Variants in NXPH1 observed in about 807,000 individuals in gnomAD.
The protein encoded by NXPH1 is neurexophilin 1, also known as neurexophilin-1.
In NXPH1, 5 loss-of-function variants were observed where a neutral mutation model predicts 23.7. The ratio of observed to expected loss-of-function variants is 0.21; its 90% confidence interval spans 0.11 to 0.44. The LOEUF (loss-of-function observed/expected upper bound fraction) is 0.44, where lower values mean the gene tolerates loss of function less well. NXPH1 is among the 20% of genes least tolerant of loss of function. The pLI is 0.99. For missense variants in NXPH1, 324 were observed against 321.6 expected (o/e 1.01, Z -0.06); for synonymous variants, 144 against 122.2 (o/e 1.18, Z -1.18).
intron 2 of NXPH1, among the ~76,000 whole-genome samples, chr7:8,475,365 A>G (rs1816952401): frequency 6.6e-6 from 1 of 152,130 alleles, no homozygotes; most frequent in East Asian, 1.9e-4. Flanking sequence ...AGGTTGAACT[A>G]TGTAGCTCTG....
chr7:8,570,469 T>A (rs1018023993), intron 2 of NXPH1, among the ~76,000 whole-genome samples: 1 of 152,054 alleles, frequency 6.6e-6, no homozygotes, highest in African/African-American at 2.4e-5. Context: ...CACAGCACAG[T>A]AATTAGTAAA....
intron 2 of NXPH1, among the ~76,000 whole-genome samples, chr7:8,513,821 C>A (rs917020668): frequency 2.6e-5 from 4 of 152,016 alleles, no homozygotes; most frequent in African/African-American, 7.2e-5. Flanking sequence ...TCTAGGGCTG[C>A]CGTAAAAAAG....
chr7:8,727,084 CAGTGATGGTG>C (rs1476760831), intron 2 of NXPH1, among the ~76,000 whole-genome samples: 1 of 147,862 alleles, frequency 6.8e-6, no homozygotes, highest in African/African-American at 2.6e-5. Context: ...CTCTGATGGC[CAGTGATGGTG>C]AGCATTTTTT....
At chr7:8,473,082 G>A (rs748168339) in intron 2 of NXPH1, among the ~76,000 whole-genome samples, 10 of 152,094 alleles carry the variant, frequency 6.6e-5, no homozygotes, top group Non-Finnish European at 1.5e-4. Context: ...CCACTTTTCT[G>A]GTTATGGGGT....
At chr7:8,462,041 A>G (rs140224773) in intron 2 of NXPH1, among the ~76,000 whole-genome samples, 59 of 129,572 alleles carry the variant, frequency 4.6e-4, no homozygotes, top group Non-Finnish European at 8.1e-4. Context: ...CTATATATCT[A>G]TATCTCTATC....
intron 2 of NXPH1, among the ~76,000 whole-genome samples, chr7:8,491,574 A>C (rs562936523): frequency 6.6e-6 from 1 of 152,176 alleles, no homozygotes; most frequent in South Asian, 2.1e-4. Context: ...GTAAAAACAC[A>C]AATATTCAGT....
At chr7:8,749,801 C>T (rs934417468) in intron 2 of NXPH1, among the ~76,000 whole-genome samples, 3 of 152,194 alleles carry the variant, frequency 2.0e-5, no homozygotes, top group African/African-American at 7.2e-5. Context: ...GAATGGTTTA[C>T]TGGTCTTGGC....
chr7:8,492,037 G>A (rs1301052273), intron 2 of NXPH1, among the ~76,000 whole-genome samples: 1 of 151,944 alleles, frequency 6.6e-6, no homozygotes, highest in South Asian at 2.1e-4. Flanking sequence ...CAGAGGTATC[G>A]ATCTTTTTCT....
chr7:8,665,532 G>GT (rs762180631), intron 2 of NXPH1, among the ~76,000 whole-genome samples: 7 of 151,710 alleles, frequency 4.6e-5, no homozygotes, highest in South Asian at 4.1e-4. Flanking sequence ...TTTTAGGACA[G>GT]TTTTTTTTCT....
intron 2 of NXPH1, among the ~76,000 whole-genome samples, chr7:8,492,409 G>T (rs938333459): frequency 1.1e-4 from 16 of 151,956 alleles, no homozygotes; most frequent in African/African-American, 3.9e-4. Flanking sequence ...TTACATACCT[G>T]AGTCTCAGTT....
chr7:8,444,366 C>T (rs1227557914), intron 2 of NXPH1, among the ~76,000 whole-genome samples: 1 of 152,150 alleles, frequency 6.6e-6, no homozygotes, highest in African/African-American at 2.4e-5. Flanking sequence ...TCTCTGAGGC[C>T]CTGGCGAGAT....
At chr7:8,461,501 C>T (rs905491089) in intron 2 of NXPH1, among the ~76,000 whole-genome samples, 1 of 152,176 alleles carries the variant, frequency 6.6e-6, no homozygotes, top group South Asian at 2.1e-4. Context: ...GTATTTTCCT[C>T]AAATCCAAAT....
rs1169928032 is a variant in NXPH1 at position 8,686,586 on chromosome 7, A to G, written c.55-64422A>G. On this transcript the variant is annotated intron_variant, in intron 2 of 2. Coordinates refer to ENST00000405863, the MANE Select transcript of NXPH1 (RefSeq NM_152745.3). ...ATAGTTTCTTTAAGTAATTGTTCAT[A>G]TCAGAATTATACTCCTGTTCTGATA... Among the ~76,000 whole-genome samples the G allele has an allele frequency of 8.5e-5, 13 of 152,150 alleles. 1 individual carries two copies. The highest frequency in any genetic ancestry group is 1.3e-4 in the Admixed American group (2 of 15,244).
intron 2 of NXPH1, among the ~76,000 whole-genome samples, chr7:8,594,052 C>T (rs1819162134): frequency 6.6e-6 from 1 of 151,936 alleles, no homozygotes; most frequent in African/African-American, 2.4e-5. Context: ...TGCTTTAGGG[C>T]ATTTTTGTTT....
intron 2 of NXPH1, among the ~76,000 whole-genome samples, chr7:8,511,852 G>T (rs1341044583): frequency 2.6e-5 from 4 of 152,122 alleles, no homozygotes; most frequent in Non-Finnish European, 5.9e-5. Context: ...AATAAGACAT[G>T]GTCCAGGGGA....
At chr7:8,552,114 C>CA (rs34390317) in intron 2 of NXPH1, among the ~76,000 whole-genome samples, 1,700 of 61,742 alleles carry the variant, frequency 0.028, 37 homozygotes, top group African/African-American at 0.045. Flanking sequence ...GAAAAAAAAC[C>CA]AAAAAAAAAA....
At chr7:8,708,424 G>A (rs560661452) in intron 2 of NXPH1, among the ~76,000 whole-genome samples, 11 of 152,072 alleles carry the variant, frequency 7.2e-5, no homozygotes, top group South Asian at 4.2e-4. Flanking sequence ...ACAATGGCAC[G>A]ATCTCAGCTC....
At chr7:8,538,946 T>G (rs1334934689) in intron 2 of NXPH1, among the ~76,000 whole-genome samples, 1 of 151,884 alleles carries the variant, frequency 6.6e-6, no homozygotes, top group Non-Finnish European at 1.5e-5. Context: ...TTGAAAAATA[T>G]TACTAGTGGT....
intron 2 of NXPH1, among the ~76,000 whole-genome samples, chr7:8,589,738 C>A (rs17151848): frequency 3.3e-5 from 5 of 152,050 alleles, no homozygotes; most frequent in Admixed American, 3.3e-4. Flanking sequence ...AAAGACTATG[C>A]TCTGGGAAAG....
Sources: allele counts gnomAD v4.1 joint callset (sites outside exome capture counted in the v4.1 genomes callset), GRCh38; gene constraint gnomAD v4.1.1; transcripts MANE v1.5; gene names NCBI Gene and HGNC (gene_info 2026-07-23, HGNC 2026-07-21).